RGS7: variants seen among roughly 807,000 people sequenced by gnomAD.
RGS7 encodes the protein regulator of G-protein signaling 7.
In RGS7, 27 loss-of-function variants were observed where a neutral mutation model predicts 81.1. That is an observed-to-expected ratio of 0.33 (90% CI 0.25 to 0.46). The LOEUF is 0.46. Ranked by LOEUF, RGS7 falls within the 20% of genes least tolerant of loss-of-function variation. The pLI is 1.00. For missense variants in RGS7, 396 were observed against 607.4 expected (o/e 0.65, Z 3.66); for synonymous variants, 208 against 207.7 (o/e 1.00, Z -0.01).
intron 3 of RGS7, among the ~76,000 whole-genome samples, chr1:241,051,467 A>AT (rs34656756): frequency 0.31 from 47,856 of 151,994 alleles, 7,896 homozygotes; most frequent in African/African-American, 0.37. Context: ...AAGCCAACCA[A>AT]TATAGCAAAG....
Position 240,884,679 on chromosome 1 carries a change from G to T in RGS7, c.386-14560C>A, listed in dbSNP as rs543582847. ...GGAAAAGATTCCCTATTCAATAAATGGTGCGGGATAACTGGCTAGCCATAT... is the reference window on the plus strand; with the variant it reads ...GGAAAAGATTCCCTATTCAATAAATTGTGCGGGATAACTGGCTAGCCATAT... On this transcript the variant is annotated intron_variant, in intron 6 of 18. Coordinates refer to ENST00000440928, the MANE Select transcript of RGS7 (RefSeq NM_001364886.1). Among the ~76,000 whole-genome samples the T allele has an allele frequency of 7.9e-5, 12 of 152,282 alleles. No individual in the cohort carries two copies. In the South Asian group the frequency reaches 2.1e-3, roughly 26 times the overall value.
chr1:240,816,126 T>C (rs1431706895), intron 11 of RGS7, among the ~76,000 whole-genome samples, 191 bp downstream of exon 11: 1 of 152,230 alleles, frequency 6.6e-6, no homozygotes, highest in African/African-American at 2.4e-5. Flanking sequence ...TTACCATATA[T>C]TGATACATTT....
Position 241,126,236 on chromosome 1 carries a change from G to A in RGS7, c.79-27474C>T, listed in dbSNP as rs187559797. On this transcript the variant is annotated intron_variant, in intron 2 of 18. Coordinates refer to ENST00000440928, the MANE Select transcript of RGS7 (RefSeq NM_001364886.1). ...GCAATCTCGGCTCAATGCAACCTCC[G>A]CCTCCCGGGTTCAAGGAATTCTCCT... Among the ~76,000 whole-genome samples, 57 of 151,944 alleles carry A rather than the reference G, an allele frequency of 3.8e-4. 1 individual carries two copies. The South Asian group carries it at 0.011, about 29-fold the overall frequency.
chr1:241,108,552 T>C (rs2065291512), intron 2 of RGS7, among the ~76,000 whole-genome samples: 1 of 152,174 alleles, frequency 6.6e-6, no homozygotes, highest in African/African-American at 2.4e-5. Flanking sequence ...TCCAGATTTC[T>C]TTTTTGTTCC....
chr1:240,943,678 C>A (rs1008762326), intron 4 of RGS7, among the ~76,000 whole-genome samples: 6 of 152,132 alleles, frequency 3.9e-5, no homozygotes, highest in South Asian at 2.1e-4. Context: ...AGAACACTAA[C>A]AAAATCCCAA....
rs376584574 is a variant in RGS7, at chr1:240,941,974, A to C, written c.227-5268T>G. Reference sequence around the variant, plus strand: ...TTCACCCACACAGCTAAAGTTCAACAATAAACCTACTAAAAAATTCCAGCT... The same window carrying C: ...TTCACCCACACAGCTAAAGTTCAACCATAAACCTACTAAAAAATTCCAGCT... On this transcript the variant is annotated intron_variant, in intron 4 of 18. Coordinates refer to ENST00000440928, the MANE Select transcript of RGS7 (RefSeq NM_001364886.1). Among the ~76,000 whole-genome samples, 35 of 152,014 alleles carry C rather than the reference A, an allele frequency of 2.3e-4. 1 individual carries two copies. Among genetic ancestry groups the C allele is most frequent in the East Asian group, 1.9e-3 (10 of 5,174 alleles).
intron 2 of RGS7, among the ~76,000 whole-genome samples, chr1:241,120,840 C>A (rs914225099): frequency 6.6e-6 from 1 of 151,972 alleles, no homozygotes; most frequent in Non-Finnish European, 1.5e-5. Context: ...TTGGTGTCCA[C>A]AGTTTAAGAA....
At chr1:241,018,518 T>A (rs2059382037) in intron 3 of RGS7, among the ~76,000 whole-genome samples, 1 of 152,154 alleles carries the variant, frequency 6.6e-6, no homozygotes, top group Non-Finnish European at 1.5e-5. Flanking sequence ...TTTTTGTTTC[T>A]ATTTTTTTGT....
chr1:240,782,581 C>A (rs767464504), intron 18 of RGS7, among the ~76,000 whole-genome samples: 1 of 151,998 alleles, frequency 6.6e-6, no homozygotes, highest in Non-Finnish European at 1.5e-5. Flanking sequence ...CACCACCACA[C>A]CTCGCTGATT....
chr1:240,909,228 T>C (rs2148238862), intron 6 of RGS7, among the ~76,000 whole-genome samples: 1 of 152,358 alleles, frequency 6.6e-6, no homozygotes, highest in Non-Finnish European at 1.5e-5. Flanking sequence ...TAGTTTGTTA[T>C]AAGTTGTTTG....
At chr1:241,270,313 G>C (rs1242976101) in intron 2 of RGS7, among the ~76,000 whole-genome samples, 4 of 151,986 alleles carry the variant, frequency 2.6e-5, no homozygotes, top group African/African-American at 9.7e-5. Flanking sequence ...TCATGCCCTT[G>C]GTCTGACTAA....
chr1:241,182,788 A>G (rs2071741785), intron 2 of RGS7, among the ~76,000 whole-genome samples: 1 of 151,004 alleles, frequency 6.6e-6, no homozygotes, highest in African/African-American at 2.4e-5. Context: ...AGCTGGGATT[A>G]CAGGCACATG....
At chr1:241,188,495 A>T (rs2072324995) in intron 2 of RGS7, among the ~76,000 whole-genome samples, 1 of 152,166 alleles carries the variant, frequency 6.6e-6, no homozygotes, top group Non-Finnish European at 1.5e-5. Context: ...TTTTCAGCAG[A>T]GTGTTAAACT....
At chr1:241,161,728 T>A (rs893017427) in intron 2 of RGS7, among the ~76,000 whole-genome samples, 11 of 149,866 alleles carry the variant, frequency 7.3e-5, no homozygotes, top group African/African-American at 2.7e-4. Context: ...GCTTTTTTTT[T>A]TTTTTTTGAG....
chr1:241,288,066 C>A (rs926033973), intron 2 of RGS7, among the ~76,000 whole-genome samples: 2 of 152,124 alleles, frequency 1.3e-5, no homozygotes, highest in Non-Finnish European at 2.9e-5. Context: ...ATTGGGGACA[C>A]CTTGTAGCAA....
intron 9 of RGS7, among the ~76,000 whole-genome samples, chr1:240,838,276 T>C (rs551348496): frequency 1.3e-5 from 2 of 152,272 alleles, no homozygotes; most frequent in Non-Finnish European, 2.9e-5. Context: ...GCCTCTTCTG[T>C]AAGGGCACTA....
At chr1:240,800,616 T>G (rs963002283) in intron 18 of RGS7, 25 bp downstream of exon 18, 1 of 1,435,704 alleles carries the variant, frequency 7.0e-7, no homozygotes, top group African/African-American at 1.4e-5. Context: ...CAGACAAACT[T>G]GAGTATAAAC....
Position 240,868,713 on chromosome 1 carries a change from T to G in RGS7, c.528-45A>C, listed in dbSNP as rs781041822. On this transcript the variant is annotated intron_variant, in intron 8 of 18. Coordinates refer to ENST00000440928, the MANE Select transcript of RGS7 (RefSeq NM_001364886.1). The surrounding 1 kb of genome is among the most constrained non-coding windows in gnomAD (Gnocchi z 5.1). ...AGATAACATTTAGTATTAATTGTAG[T>G]GCCTCTCTGAACAAAAAGGCCACAA... The G allele has an allele frequency of 2.2e-5, 36 of 1,607,682 alleles. No homozygotes were observed. Among genetic ancestry groups the G allele is most frequent in the Admixed American group, 3.3e-5 (2 of 59,986 alleles).
intron 6 of RGS7, among the ~76,000 whole-genome samples, chr1:240,904,643 T>C (rs1209169952): frequency 6.6e-6 from 1 of 152,188 alleles, no homozygotes; most frequent in African/African-American, 2.4e-5. Flanking sequence ...TTTGAGTTTA[T>C]GGGACAAATG....
Sources: allele counts gnomAD v4.1 joint callset (sites outside exome capture counted in the v4.1 genomes callset), GRCh38; gene constraint gnomAD v4.1.1; non-coding constraint Gnocchi (gnomAD v3.1); transcripts MANE v1.5; gene names NCBI Gene and HGNC (gene_info 2026-07-23, HGNC 2026-07-21).